Variants in C2CD2 observed in about 807,000 individuals in gnomAD.
The protein encoded by C2CD2 is C2 domain-containing protein 2.
In C2CD2, 43 loss-of-function variants were observed where a neutral mutation model predicts 74.3. The ratio of observed to expected loss-of-function variants is 0.58; its 90% confidence interval spans 0.45 to 0.75. The LOEUF is 0.75. Among genes scored for constraint, C2CD2 ranks in the 30% least tolerant of loss-of-function variants. The probability of loss-of-function intolerance (pLI) is 0.00; values close to 1 mark genes in which losing one functional copy is unlikely to be tolerated. For missense variants in C2CD2, 801 were observed against 916.3 expected (o/e 0.87, Z 1.63); for synonymous variants, 422 against 390.7 (o/e 1.08, Z -0.94).
In C2CD2 at chr21:41,926,718, C is replaced by T. The variant is rs2065217398; in HGVS notation, c.379-4633G>A. On this transcript the variant is annotated intron_variant, in intron 2 of 13. Transcript: ENST00000380486. This position sits in a 1 kb window ranked among gnomAD's most constrained non-coding sequence, Gnocchi z 8.0. ...GATCTCACTGTGCCCTTTCACTTTC[C>T]TTTTCAATTAAGCTTCCTGTACAGC... 1 of 680,972 alleles carries T rather than the reference C, an allele frequency of 1.5e-6. No homozygotes were observed. The highest frequency in any genetic ancestry group is 1.9e-5 in the African/African-American group (1 of 51,350). 42.2% of individuals were successfully genotyped at this position (680,972 alleles called of 1,614,324 possible). A position where few individuals can be genotyped will look rare whatever the true frequency, so the allele number is the denominator to read the frequency against.
chr21:41,894,678 G>T (rs1482935108), intron 13 of C2CD2: 4 of 456,690 alleles, frequency 8.8e-6, no homozygotes, highest in African/African-American at 8.0e-5. Context: ...AGGCATGCAG[G>T]GGGCAGGGGA....
At position 41,892,410 on chromosome 21, in the gene C2CD2, T is replaced by C. The variant is rs1023869211; in HGVS notation, c.1871-3066A>G. ...GCTCCTGGTGTTGCAAACACCCAGT[T>C]TGTGGTACTTTGATACAGCCCTGGG... On this transcript the variant is annotated intron_variant, in intron 13 of 13. Coordinates refer to ENST00000380486, the MANE Select transcript of C2CD2 (RefSeq NM_015500.2). The surrounding 1 kb of genome is among the most constrained non-coding windows in gnomAD (Gnocchi z 4.6). 2.6e-5 allele frequency among the ~76,000 whole-genome samples: 4 copies of C among 152,134 alleles called. No homozygotes were observed. Among genetic ancestry groups the C allele is most frequent in the African/African-American group, 4.8e-5 (2 of 41,438 alleles).
At chr21:41,912,709 TC>T (rs1428357186) in intron 6 of C2CD2, among the ~76,000 whole-genome samples, 3 of 152,170 alleles carry the variant, frequency 2.0e-5, no homozygotes, top group African/African-American at 7.2e-5. Context: ...CAGGCTGGTC[TC>T]GAACTCCTGA....
rs1480992099 is a variant in C2CD2, at chr21:41,926,510, C to T, written c.379-4425G>A. The T allele has an allele frequency of 1.5e-6, 1 of 679,512 alleles. No homozygotes were observed. The highest frequency in any genetic ancestry group is 1.9e-5 in the African/African-American group (1 of 51,462). 42.1% of individuals were successfully genotyped at this position (679,512 alleles called of 1,614,324 possible). A position where few individuals can be genotyped will look rare whatever the true frequency, so the allele number is the denominator to read the frequency against. On this transcript the variant is annotated intron_variant, in intron 2 of 13. Transcript: ENST00000380486. The surrounding 1 kb of genome is among the most constrained non-coding windows in gnomAD (Gnocchi z 8.0). Reference sequence around the variant, plus strand: ...TGAAGAGCAGGCTGAGCGGGGAGGCCTTCATTCACCTTCTCGGTGCTCTCT... The same window carrying T: ...TGAAGAGCAGGCTGAGCGGGGAGGCTTTCATTCACCTTCTCGGTGCTCTCT...
At chr21:41,948,432 T>C (rs1471168374) in intron 1 of C2CD2, among the ~76,000 whole-genome samples, 1 of 152,058 alleles carries the variant, frequency 6.6e-6, no homozygotes, top group African/African-American at 2.4e-5. Flanking sequence ...AAGGGGAGGA[T>C]CAGGGACCTC....
intron 11 of C2CD2, among the ~76,000 whole-genome samples, chr21:41,902,511 G>A (rs970107123): frequency 6.6e-6 from 1 of 152,170 alleles, no homozygotes; most frequent in Admixed American, 6.5e-5. Flanking sequence ...CAGCCAGGAG[G>A]CCCCAGAGCT....
At chr21:41,905,002 T>C (rs1017652622) in intron 11 of C2CD2, among the ~76,000 whole-genome samples, 4 of 152,206 alleles carry the variant, frequency 2.6e-5, no homozygotes, top group African/African-American at 7.2e-5. Flanking sequence ...GACCATTTCC[T>C]AGTGGAAGGG....
In C2CD2 at chr21:41,886,042, CACTT is replaced by C. The variant is rs1465101149; in HGVS notation, c.*3078_*3081del. 6.6e-6 allele frequency: 1 copy of C among 152,310 alleles called. No individual in the cohort carries two copies. Among genetic ancestry groups the C allele is most frequent in the Non-Finnish European group, 1.5e-5 (1 of 68,044 alleles). 9.4% of individuals were successfully genotyped at this position (152,310 alleles called of 1,614,324 possible). A position where few individuals can be genotyped will look rare whatever the true frequency, so the allele number is the denominator to read the frequency against. On this transcript the variant is annotated 3_prime_UTR_variant, in exon 14 of 14. Transcript: ENST00000380486. ...TGCAAACACACATAACACACACACA[CACTT>C]AAAGCTCCATTTCACTCCTCCACAA...
Position 41,909,529 on chromosome 21 carries a change from G to C in C2CD2, c.954-6C>G. The C allele has an allele frequency of 1.1e-5, 17 of 1,605,410 alleles. No individual in the cohort carries two copies. The highest frequency in any genetic ancestry group is 1.5e-5 in the Non-Finnish European group (17 of 1,172,028). On this transcript the variant is annotated splice_region_variant and splice_polypyrimidine_tract_variant and intron_variant, in intron 7 of 13. Coordinates refer to ENST00000380486, the MANE Select transcript of C2CD2 (RefSeq NM_015500.2). ...TCGACTTGGCATTCAACTCGCTTTGGAAGAGAAACAAGTTATGAGTCCTAA... is the reference window on the plus strand; with the variant it reads ...TCGACTTGGCATTCAACTCGCTTTGCAAGAGAAACAAGTTATGAGTCCTAA...
At chr21:41,913,256 C>T (rs954931031) in intron 6 of C2CD2, among the ~76,000 whole-genome samples, 1 of 152,262 alleles carries the variant, frequency 6.6e-6, no homozygotes, top group African/African-American at 2.4e-5. Flanking sequence ...GGACATGTCA[C>T]TAGTGAACAG....
chr21:41,908,243 T>TGGTGTGTGTGTGTGTG, intron 8 of C2CD2: 1 of 167,382 alleles, frequency 6.0e-6, no homozygotes, highest in Admixed American at 6.6e-5. Flanking sequence ...TACCCTCAAG[T>TGGTGTGTGTGTGTGTG]TGTGTGTGTG....
chr21:41,909,506 G>A lies in C2CD2; in HGVS notation c.971C>T (p.Ser324Leu). The A allele has an allele frequency of 2.1e-5, 34 of 1,612,986 alleles. No homozygotes were observed. Among genetic ancestry groups the A allele is most frequent in the Non-Finnish European group, 2.8e-5 (33 of 1,179,000 alleles). The stretch of plus-strand genomic sequence containing the variant: ...TGAAATCTGCAGGTGTAACTCCTTC[G>A]ACTTGGCATTCAACTCGCTTTGGAA... ...EEFTFELNAKSKELHLQISEA... is the reference protein window; with the variant it reads ...EEFTFELNAKLKELHLQISEA... Residue 324 changes from serine to leucine, a missense_variant, in exon 8 of 14, where the codon TCG becomes TTG. Physicochemically the swap from Ser to Leu is moderately radical, Grantham distance 145. Coordinates refer to ENST00000380486, the MANE Select transcript of C2CD2 (RefSeq NM_015500.2).
intron 1 of C2CD2, 39 bp from the exon 2 acceptor site, chr21:41,942,284 A>G (rs561951257): frequency 1.4e-6 from 2 of 1,436,244 alleles, no homozygotes; most frequent in African/African-American, 2.8e-5. Flanking sequence ...CATGCACAGG[A>G]GGGGCTGCAT....
chr21:41,893,124 A>G (rs1287384913), intron 13 of C2CD2, among the ~76,000 whole-genome samples: 1 of 152,256 alleles, frequency 6.6e-6, no homozygotes, highest in Admixed American at 6.5e-5. Context: ...CCTAGGCAAC[A>G]CAGCAAGACC....
At chr21:41,925,719 TGGCAGGGCCCCCACG>T (rs1367506587) in intron 2 of C2CD2, among the ~76,000 whole-genome samples, 3 of 152,224 alleles carry the variant, frequency 2.0e-5, no homozygotes, top group South Asian at 2.1e-4. Flanking sequence ...ATGCCAACAG[TGGCAGGGCCCCCACG>T]GGCTGAAAGG....
intron 2 of C2CD2, 100 bp downstream of exon 2, chr21:41,942,047 T>C (rs1219914166): frequency 1.4e-6 from 2 of 1,454,158 alleles, no homozygotes; most frequent in Non-Finnish European, 1.8e-6. Flanking sequence ...TTTTTCCTAG[T>C]GTAAGGGTTC....
intron 5 of C2CD2, among the ~76,000 whole-genome samples, chr21:41,916,530 A>G (rs1158829871): frequency 6.6e-6 from 1 of 152,070 alleles, no homozygotes; most frequent in Non-Finnish European, 1.5e-5. Flanking sequence ...TTGGACTGGA[A>G]TGTACGTCAC....
At chr21:41,934,333 G>A (rs1179870444) in intron 2 of C2CD2, among the ~76,000 whole-genome samples, 1 of 152,208 alleles carries the variant, frequency 6.6e-6, no homozygotes, top group Admixed American at 6.5e-5. Context: ...GGGAGGCTGA[G>A]GCAGGAGGAC....
intron 6 of C2CD2, 130 bp from the exon 7 acceptor site, chr21:41,912,570 A>C (rs1601571498): frequency 2.6e-6 from 1 of 391,738 alleles, no homozygotes; most frequent in African/African-American, 2.1e-5. Flanking sequence ...GGCTCACTGC[A>C]ACCTCCGCCT....
Sources: allele counts gnomAD v4.1 joint callset (sites outside exome capture counted in the v4.1 genomes callset), GRCh38; gene constraint gnomAD v4.1.1; non-coding constraint Gnocchi (gnomAD v3.1); transcripts MANE v1.5; gene names NCBI Gene and HGNC (gene_info 2026-07-23, HGNC 2026-07-21).